FARP2: variants seen among roughly 807,000 people sequenced by gnomAD.
FARP2 encodes FERM, ARHGEF and pleckstrin domain-containing protein 2.
FARP2 carries 111 observed loss-of-function variants against 130.5 expected under a neutral mutation model. The ratio of observed to expected loss-of-function variants is 0.85; its 90% CI spans 0.73 to 1.00. FARP2 has a LOEUF of 1.00. FARP2 is among the 50% of genes least tolerant of loss of function. FARP2 has a pLI of 0.00. For synonymous variants in FARP2, 504 were observed against 516.9 expected (o/e 0.98, Z 0.34); for missense variants, 1,385 against 1,346.3 (o/e 1.03, Z -0.45).
chr2:241,411,670 G>A (rs554084885), intron 6 of FARP2, among the ~76,000 whole-genome samples: 49 of 152,324 alleles, frequency 3.2e-4, no homozygotes, highest in African/African-American at 1.0e-3. Flanking sequence ...AGCCCCCAGC[G>A]ATGGGAATAG....
intron 2 of FARP2, among the ~76,000 whole-genome samples, chr2:241,393,451 A>G (rs1273630583): frequency 6.6e-6 from 1 of 152,198 alleles, no homozygotes. Context: ...GTGACCTTTC[A>G]AAGAATGTAG....
chr2:241,411,904 C>A (rs1026862443), intron 6 of FARP2, among the ~76,000 whole-genome samples: 1 of 152,150 alleles, frequency 6.6e-6, no homozygotes, highest in Admixed American at 6.5e-5. Context: ...CACCAGGGGA[C>A]GTGTTGATTA....
At chr2:241,483,980 C>A in intron 20 of FARP2, 1 of 1,317,540 alleles carries the variant, frequency 7.6e-7, no homozygotes, top group Non-Finnish European at 9.7e-7. Flanking sequence ...GAGTCAGCAC[C>A]AGCCAGAATT....
At chr2:241,417,742 C>T (rs970439338) in intron 7 of FARP2, among the ~76,000 whole-genome samples, 14 of 152,186 alleles carry the variant, frequency 9.2e-5, no homozygotes, top group African/African-American at 1.9e-4. Context: ...GTGTTCTACC[C>T]GTTACAAAGT....
At chr2:241,406,114 T>A (rs190621982) in intron 4 of FARP2, among the ~76,000 whole-genome samples, 5 of 151,820 alleles carry the variant, frequency 3.3e-5, no homozygotes, top group Non-Finnish European at 4.4e-5. Context: ...CCATCCTGGC[T>A]AACATGGTGA....
At chr2:241,424,484 C>CT (rs2062882746) in intron 8 of FARP2, among the ~76,000 whole-genome samples, 1 of 152,118 alleles carries the variant, frequency 6.6e-6, no homozygotes, top group African/African-American at 2.4e-5. Flanking sequence ...ATTTATAGTA[C>CT]TAAATGCCCA....
intron 2 of FARP2, among the ~76,000 whole-genome samples, chr2:241,375,254 A>C (rs186932783): frequency 1.6e-4 from 25 of 152,156 alleles, no homozygotes; most frequent in Admixed American, 8.5e-4. Context: ...CCCAGCCCCA[A>C]ATCTTTTCAA....
chr2:241,413,250 C>G (rs1198368888), intron 6 of FARP2, 57 bp from the exon 7 acceptor site: 1 of 1,049,818 alleles, frequency 9.5e-7, no homozygotes, highest in Non-Finnish European at 1.4e-6. Context: ...TGCAATGACA[C>G]ATACAAATGC....
intron 2 of FARP2, among the ~76,000 whole-genome samples, chr2:241,376,779 A>G (rs2061544945): frequency 6.6e-6 from 1 of 152,212 alleles, no homozygotes; most frequent in Non-Finnish European, 1.5e-5. Flanking sequence ...ATTCGGCTAC[A>G]GGGTGTCGGG....
intron 13 of FARP2, among the ~76,000 whole-genome samples, chr2:241,455,675 C>G (rs1352876499): frequency 6.6e-6 from 1 of 152,098 alleles, no homozygotes; most frequent in East Asian, 1.9e-4. Context: ...AGCCACCATG[C>G]CTGGCCTTTG....
intron 13 of FARP2, among the ~76,000 whole-genome samples, chr2:241,451,847 C>T (rs375550280): frequency 2.0e-5 from 3 of 151,986 alleles, no homozygotes; most frequent in African/African-American, 7.3e-5. Flanking sequence ...CTCCACCTCC[C>T]GGGTTCAAGC....
In FARP2 at chr2:241,482,185, G is replaced by A. The variant is rs997019882; in HGVS notation, c.2263-1280G>A. 1.3e-5 allele frequency among the ~76,000 whole-genome samples: 2 copies of A among 152,202 alleles called. No individual in the cohort carries two copies. Among genetic ancestry groups the A allele is most frequent in the Non-Finnish European group, 2.9e-5 (2 of 68,044 alleles). ...TGTCAGGGAGGTGGCAGAACTGTGA[G>A]CCACAGTTACTACCCTAGGGCTGGG... On this transcript the variant is annotated intron_variant, in intron 19 of 26. Coordinates refer to ENST00000264042, the MANE Select transcript of FARP2 (RefSeq NM_014808.4). The surrounding 1 kb of genome is among the most constrained non-coding windows in gnomAD (Gnocchi z 4.6).
At chr2:241,490,990 G>A (rs1054024700) in intron 22 of FARP2, 71 bp from the exon 23 acceptor site, 36 of 1,190,426 alleles carry the variant, frequency 3.0e-5, no homozygotes, top group Middle Eastern at 2.3e-4. Flanking sequence ...CTGACGGCTC[G>A]CCCTCCCTTG....
At chr2:241,367,804 G>A (rs2061347530) in intron 1 of FARP2, among the ~76,000 whole-genome samples, 1 of 151,994 alleles carries the variant, frequency 6.6e-6, no homozygotes, top group African/African-American at 2.4e-5. Flanking sequence ...AGAAGGGGAA[G>A]AGTTTTGGTA....
intron 8 of FARP2, among the ~76,000 whole-genome samples, chr2:241,425,559 C>T (rs1040632620): frequency 4.7e-5 from 7 of 149,012 alleles, no homozygotes; most frequent in Non-Finnish European, 8.9e-5. Flanking sequence ...CGGGGCTTTC[C>T]GAGCCAGGGG....
chr2:241,483,327 G>A lies in FARP2; in HGVS notation c.2263-138G>A, dbSNP rs1187826943. 4.2e-6 allele frequency: 3 copies of A among 707,302 alleles called. No homozygotes were observed. The Admixed American group carries it at 6.3e-5, about 15-fold the overall frequency. The allele number at this position is 707,302 out of a possible 1,614,324, so 43.8% of individuals were successfully genotyped here. ...GAGGGTAGAGGAGCCCCATTGGGAG[G>A]CTCCACTAGAGGACCCTCATTGGGA... On this transcript the variant is annotated intron_variant, in intron 19 of 26. Coordinates refer to ENST00000264042, the MANE Select transcript of FARP2 (RefSeq NM_014808.4).
In FARP2 at chr2:241,408,093, G is replaced by A. The variant is rs564213951; in HGVS notation, c.410+478G>A. 1.1e-4 allele frequency among the ~76,000 whole-genome samples: 17 copies of A among 152,302 alleles called. 2 individuals are homozygous for A. The South Asian group carries it at 3.5e-3, about 32-fold the overall frequency. ...TATAGGAATGATCTAAAGATGGCAG[G>A]GTGCAATGGCTCACGCCTGTAATCC... On this transcript the variant is annotated intron_variant, in intron 5 of 26. Transcript: ENST00000264042.
chr2:241,463,006 G>A (rs765075891), intron 15 of FARP2, among the ~76,000 whole-genome samples: 30 of 152,124 alleles, frequency 2.0e-4, no homozygotes, highest in Non-Finnish European at 3.8e-4. Flanking sequence ...AATATCTCTT[G>A]ATAATCATGA....
intron 2 of FARP2, among the ~76,000 whole-genome samples, chr2:241,386,146 G>T (rs1014785647): frequency 6.6e-6 from 1 of 152,114 alleles, no homozygotes; most frequent in African/African-American, 2.4e-5. Context: ...AGGCTTGAGT[G>T]CAGTAGCATG....
Sources: gnomAD v4.1 joint callset for allele counts (sites outside exome capture counted in the v4.1 genomes callset) on GRCh38, gnomAD v4.1.1 for gene constraint, Gnocchi (gnomAD v3.1) non-coding constraint, MANE v1.5 for transcripts, NCBI Gene and HGNC (gene_info 2026-07-23, HGNC 2026-07-21) for gene names.